The following KIAA0513 variants were observed in gnomAD, a reference collection of about 807,000 sequenced individuals.
The protein encoded by KIAA0513 is KIAA0513.
A neutral mutation model predicts 56.5 loss-of-function variants in KIAA0513; 39 were observed. The observed-to-expected ratio is 0.69, with a 90% CI of 0.53 to 0.90. The LOEUF (loss-of-function observed/expected upper bound fraction) is 0.90. Among genes scored for constraint, KIAA0513 ranks in the 40% least tolerant of loss-of-function variants. KIAA0513 has a pLI of 0.00. For missense variants in KIAA0513, 591 were observed against 535.2 expected (o/e 1.10, Z -1.03); for synonymous variants, 268 against 215.6 (o/e 1.24, Z -2.13).
chr16:85,078,955 A>T lies in KIAA0513; in HGVS notation c.854A>T (p.Lys285Met), dbSNP rs1197186475. ...GCGTACAGCCCCGAGGACGAAAAGA[A>T]GGGGGAGAAGATCTACCTGTACACG... is the stretch of plus-strand genomic sequence containing the variant. ...VTAYSPEDEK[K>M]GEKIYLYTHL... is the part of the protein sequence containing the mutation. Residue 285 changes from lysine (K) to methionine (M), a missense_variant, in exon 8 of 13, where the codon AAG (lysine) becomes ATG (methionine). Transcript: ENST00000683363. 6.2e-7 allele frequency: 1 copy of T among 1,614,130 alleles called. No homozygotes were observed. Among genetic ancestry groups the T allele is most frequent in the East Asian group, 2.2e-5 (1 of 44,874 alleles).
At chr16:85,083,545 C>T (rs1482014501) in intron 10 of KIAA0513, among the ~76,000 whole-genome samples, 2 of 152,182 alleles carry the variant, frequency 1.3e-5, no homozygotes, top group Non-Finnish European at 2.9e-5. Context: ...AACGAGTCAG[C>T]CCCACAGCCC....
chr16:85,086,888 A>C (rs1207345694), intron 11 of KIAA0513, 164 bp downstream of exon 11: 4 of 835,172 alleles, frequency 4.8e-6, no homozygotes, highest in South Asian at 1.7e-5. Flanking sequence ...CGCCTCCTAC[A>C]CGACCCCTGG....
intron 1 of KIAA0513, among the ~76,000 whole-genome samples, chr16:85,035,503 T>C (rs1341683818): frequency 6.6e-6 from 1 of 152,158 alleles, no homozygotes; most frequent in Non-Finnish European, 1.5e-5. Context: ...TGTTTGTTTG[T>C]TTTTAGAGAT....
intron 1 of KIAA0513, among the ~76,000 whole-genome samples, chr16:85,036,736 T>C (rs555404458): frequency 2.6e-5 from 4 of 152,290 alleles, no homozygotes; most frequent in East Asian, 1.9e-4. Flanking sequence ...GGGGACCACA[T>C]TGCATGTGGT....
At chr16:85,049,774 C>G (rs1446261247) in intron 1 of KIAA0513, among the ~76,000 whole-genome samples, 1 of 152,172 alleles carries the variant, frequency 6.6e-6, no homozygotes, top group Non-Finnish European at 1.5e-5. Context: ...TTATAAATTA[C>G]CCAGTCTCGG....
chr16:85,073,471 C>T (rs1019327202), intron 4 of KIAA0513, among the ~76,000 whole-genome samples: 3 of 152,186 alleles, frequency 2.0e-5, no homozygotes, highest in Non-Finnish European at 2.9e-5. Context: ...CCTTGGTAGG[C>T]GGTGAGGGGT....
intron 1 of KIAA0513, among the ~76,000 whole-genome samples, chr16:85,044,017 C>T (rs2143879912): frequency 6.6e-6 from 1 of 152,072 alleles, no homozygotes; most frequent in East Asian, 1.9e-4. Context: ...GCAACAAGAG[C>T]AAAACTCAGT....
At chr16:85,074,268 C>G (rs1207543754) in intron 4 of KIAA0513, among the ~76,000 whole-genome samples, 1 of 151,904 alleles carries the variant, frequency 6.6e-6, no homozygotes, top group East Asian at 1.9e-4. Context: ...AGCCACCACA[C>G]CTGGCCATAT....
rs753082042 is a variant in KIAA0513, at chr16:85,071,852, G to A, written c.399G>A (p.Arg133=). 4 of 1,613,070 alleles carry A rather than the reference G, an allele frequency of 2.5e-6. No homozygotes were observed. The Admixed American group carries it at 6.7e-5, about 27-fold the overall frequency. The change falls in exon 3 of 13, where the codon CGG becomes CGA. Residue 133 remains arginine, a synonymous_variant. Coordinates refer to ENST00000683363, the MANE Select transcript of KIAA0513 (RefSeq NM_001388359.1). ...GCAGCAGTGAAAATGGAAAAGGCCGGGAGTGGTTTGCTCGATACGTGAGTG... is the reference window on the plus strand; with the variant it reads ...GCAGCAGTGAAAATGGAAAAGGCCGAGAGTGGTTTGCTCGATACGTGAGTG... The part of the protein sequence containing the change: ...EYCSSENGKG[R]EWFARYVSAQ...
intron 1 of KIAA0513, among the ~76,000 whole-genome samples, chr16:85,039,151 C>T (rs2143858229): frequency 6.6e-6 from 1 of 152,312 alleles, no homozygotes. Context: ...CAAACACAAA[C>T]CCTCAATTCT....
intron 10 of KIAA0513, among the ~76,000 whole-genome samples, chr16:85,083,937 G>A (rs2073777411): frequency 6.6e-6 from 1 of 152,174 alleles, no homozygotes; most frequent in Non-Finnish European, 1.5e-5. Flanking sequence ...CATTTCAGAA[G>A]GTTTCCCTCT....
chr16:85,054,052 C>T (rs1567529371), intron 1 of KIAA0513, among the ~76,000 whole-genome samples: 1 of 150,356 alleles, frequency 6.7e-6, no homozygotes, highest in Non-Finnish European at 1.5e-5. Flanking sequence ...CCCAGCTACT[C>T]GGGAGGCTGA....
At chr16:85,071,203 C>T (rs1293981074) in intron 2 of KIAA0513, among the ~76,000 whole-genome samples, 1 of 152,186 alleles carries the variant, frequency 6.6e-6, no homozygotes, top group African/African-American at 2.4e-5. Flanking sequence ...GTCTCCATCC[C>T]TCTCACACAC....
rs1464794165 is a variant in KIAA0513 at position 85,084,370 on chromosome 16, C to T, written c.1010+1777C>T. Among the ~76,000 whole-genome samples, 18 of 151,284 alleles carry T rather than the reference C, an allele frequency of 1.2e-4. No homozygotes were observed. In the East Asian group the frequency reaches 2.9e-3, roughly 24 times the overall value. On this transcript the variant is annotated intron_variant, in intron 10 of 12. Transcript: ENST00000683363. The stretch of plus-strand genomic sequence containing the variant: ...AAGCGGTTCTCCTGCCTCAGCCTCC[C>T]GAGTAGCTGGGATTACAGGTGCCCG...
At chr16:85,051,394 G>A (rs969074814) in intron 1 of KIAA0513, among the ~76,000 whole-genome samples, 2 of 152,280 alleles carry the variant, frequency 1.3e-5, no homozygotes, top group Middle Eastern at 3.4e-3. Flanking sequence ...ACTGCATTAA[G>A]CTTTATAAAA....
intron 2 of KIAA0513, among the ~76,000 whole-genome samples, chr16:85,071,542 C>T (rs1282449277): frequency 6.6e-6 from 1 of 152,188 alleles, no homozygotes; most frequent in African/African-American, 2.4e-5. Context: ...GGATGGAACT[C>T]TGGTTCACCA....
chr16:85,073,027 G>A (rs765504212), intron 4 of KIAA0513, 29 bp downstream of exon 4: 1 of 1,591,102 alleles, frequency 6.3e-7, no homozygotes, highest in Non-Finnish European at 8.6e-7. Flanking sequence ...CAAAGCCTTT[G>A]TCCTGGCAAG....
intron 1 of KIAA0513, among the ~76,000 whole-genome samples, chr16:85,048,290 G>A (rs117162697): frequency 0.013 from 1,915 of 152,242 alleles, 26 homozygotes; most frequent in Non-Finnish European, 0.017. Context: ...GGCTTCGACC[G>A]TCAGCACGCG....
intron 2 of KIAA0513, among the ~76,000 whole-genome samples, chr16:85,069,603 C>T (rs2073542515): frequency 6.6e-6 from 1 of 152,032 alleles, no homozygotes; most frequent in African/African-American, 2.4e-5. Flanking sequence ...GACGCACACA[C>T]ACCCCGGAGC....
Sources: allele counts gnomAD v4.1 joint callset (sites outside exome capture counted in the v4.1 genomes callset), GRCh38; gene constraint gnomAD v4.1.1; transcripts MANE v1.5; gene names NCBI Gene and HGNC (gene_info 2026-07-23, HGNC 2026-07-21).